Variants in ZC3H12B observed in about 807,000 individuals in gnomAD.
The protein encoded by ZC3H12B is zinc finger CCCH-type containing 12B, also known as probable ribonuclease ZC3H12B.
A neutral mutation model predicts 43.9 loss-of-function variants in ZC3H12B; 7 were observed. The observed-to-expected ratio is 0.16, with a 90% confidence interval of 0.09 to 0.30. ZC3H12B has a LOEUF of 0.30. Ranked by LOEUF, ZC3H12B falls within the 10% of genes least tolerant of loss-of-function variation. The pLI, the probability that ZC3H12B is intolerant of heterozygous loss-of-function variation, is 1.00. For missense variants in ZC3H12B, 475 were observed against 670.2 expected (o/e 0.71, Z 3.22); for synonymous variants, 222 against 241.7 (o/e 0.92, Z 0.76).
the ZC3H12B span, among the ~76,000 whole-genome samples, chrX:65,054,929 A>G: frequency 8.9e-6 from 1 of 111,752 alleles, no homozygotes; most frequent in African/African-American, 3.3e-5. Context: ...ATTTTTGCAC[A>G]TTGATTTTGT....
At chrX:65,154,470 G>A in the ZC3H12B span, among the ~76,000 whole-genome samples, 4 of 111,624 alleles carry the variant, frequency 3.6e-5, no homozygotes, top group Middle Eastern at 4.2e-3. Context: ...ATAATAATTT[G>A]TCAATAATTT....
the ZC3H12B span, among the ~76,000 whole-genome samples, chrX:65,041,754 G>A: frequency 8.9e-6 from 1 of 111,892 alleles, no homozygotes; most frequent in Non-Finnish European, 1.9e-5. Flanking sequence ...TAAAACTTCA[G>A]GACCTTCTTC....
chrX:65,201,075 C>T, the ZC3H12B span, among the ~76,000 whole-genome samples: 1 of 111,593 alleles, frequency 9.0e-6, no homozygotes, highest in Admixed American at 9.5e-5. Flanking sequence ...GGGGGGAGTC[C>T]CTTTGTTTCA....
chrX:65,152,111 C>A, the ZC3H12B span, among the ~76,000 whole-genome samples: 1 of 111,273 alleles, frequency 9.0e-6, no homozygotes, highest in South Asian at 3.8e-4. Flanking sequence ...TATGACAAAC[C>A]CACAGCCAAT....
At chrX:65,168,975 C>CA in the ZC3H12B span, among the ~76,000 whole-genome samples, 96 of 110,576 alleles carry the variant, frequency 8.7e-4, no homozygotes, top group African/African-American at 2.5e-3. Flanking sequence ...TTGATCTTTT[C>CA]AAAAAAACAA....
In ZC3H12B at chrX:65,393,566, GC is replaced by G. The variant is rs759710571; in HGVS notation, n.296-5025del. On this transcript the variant is annotated intron_variant and non_coding_transcript_variant, in intron 2 of 5. Transcript: ENST00000617377. ...CGTGCAGTGTTTGGTTTTGTTTCCA[GC>G]CTCATCCATACCCCTGCAAAGAACA... Among the ~76,000 whole-genome samples, 20 of 111,620 alleles carry G rather than the reference GC, an allele frequency of 1.8e-4. 1 individual carries two copies. Among genetic ancestry groups the G allele is most frequent in the African/African-American group, 6.5e-4 (20 of 30,727 alleles).
the ZC3H12B span, among the ~76,000 whole-genome samples, chrX:65,256,704 G>A: frequency 1.8e-5 from 2 of 111,057 alleles, no homozygotes; most frequent in Non-Finnish European, 3.8e-5. Flanking sequence ...TGAAATGAAG[G>A]ATATTGAGAC....
the ZC3H12B span, among the ~76,000 whole-genome samples, chrX:65,333,794 A>G: frequency 6.8e-3 from 765 of 112,150 alleles, 5 homozygotes; most frequent in South Asian, 0.01. Flanking sequence ...TATGACAAAA[A>G]GTCTTAGGAC....
chrX:65,372,101 G>A (rs2066252623), intron 2 of ZC3H12B, among the ~76,000 whole-genome samples: 1 of 111,414 alleles, frequency 9.0e-6, no homozygotes, highest in South Asian at 3.7e-4. Context: ...TAGTTTCTGG[G>A]GAAGCCTATT....
At chrX:65,426,888 T>A (rs919007773) in intron 3 of ZC3H12B, among the ~76,000 whole-genome samples, 13 of 112,188 alleles carry the variant, frequency 1.2e-4, no homozygotes, top group Admixed American at 1.9e-4. Flanking sequence ...CTTCCAATTA[T>A]GTGATCAAGA....
chrX:65,283,726 G>A, the ZC3H12B span, among the ~76,000 whole-genome samples: 1 of 111,274 alleles, frequency 9.0e-6, no homozygotes, highest in Admixed American at 9.5e-5. Context: ...CTAAAGAAAG[G>A]TGTCATTTTC....
At chrX:65,139,230 C>A in the ZC3H12B span, among the ~76,000 whole-genome samples, 1 of 112,149 alleles carries the variant, frequency 8.9e-6, no homozygotes, top group Middle Eastern at 4.6e-3. Context: ...CCTGTCTTAT[C>A]TTTAAATCTT....
chrX:65,151,313 T>C, the ZC3H12B span, among the ~76,000 whole-genome samples: 250 of 112,105 alleles, frequency 2.2e-3, 2 homozygotes, highest in African/African-American at 7.5e-3. Context: ...GCTTAAAACA[T>C]TGTTCAACGG....
the ZC3H12B span, among the ~76,000 whole-genome samples, chrX:65,119,269 G>T: frequency 9.0e-6 from 1 of 111,479 alleles, no homozygotes; most frequent in Admixed American, 9.5e-5. Context: ...CCCACCAACA[G>T]TGTAAAAGTG....
chrX:65,488,709 C>T, upstream of ZC3H12B: 1 of 1,048,688 alleles, frequency 9.5e-7, no homozygotes, highest in Non-Finnish European at 1.2e-6. Context: ...GCTACCACGA[C>T]ATTTTACTAC....
At chrX:65,224,524 A>G in the ZC3H12B span, among the ~76,000 whole-genome samples, 144 of 112,707 alleles carry the variant, frequency 1.3e-3, no homozygotes, top group Non-Finnish European at 2.4e-3. Flanking sequence ...CAGTGGGCGC[A>G]GGACAGTGGG....
the ZC3H12B span, among the ~76,000 whole-genome samples, chrX:65,326,374 G>A: frequency 9.0e-6 from 1 of 111,010 alleles, no homozygotes; most frequent in Non-Finnish European, 1.9e-5. Context: ...TGAGACTGGA[G>A]GTCATTACTG....
chrX:65,072,950 G>A, the ZC3H12B span, among the ~76,000 whole-genome samples: 1 of 112,707 alleles, frequency 8.9e-6, no homozygotes, highest in Non-Finnish European at 1.9e-5. Context: ...GCAGTACTGT[G>A]TGTGCCCCCT....
chrX:65,266,456 C>T, the ZC3H12B span, among the ~76,000 whole-genome samples: 1 of 112,121 alleles, frequency 8.9e-6, no homozygotes, highest in Non-Finnish European at 1.9e-5. Context: ...GGCTCTATTA[C>T]TCCACAAAAG....
Sources: gnomAD v4.1 joint callset for allele counts (sites outside exome capture counted in the v4.1 genomes callset) on GRCh38, gnomAD v4.1.1 for gene constraint, MANE v1.5 for transcripts, NCBI Gene and HGNC (gene_info 2026-07-23, HGNC 2026-07-21) for gene names.